Variants in ST8SIA1 observed in about 807,000 individuals in gnomAD.
ST8SIA1 encodes alpha-N-acetylneuraminide alpha-2,8-sialyltransferase.
ST8SIA1 carries 16 observed loss-of-function variants against 35.9 expected under a neutral mutation model. The ratio of observed to expected loss-of-function variants is 0.45; its 90% CI spans 0.30 to 0.68. ST8SIA1 has a LOEUF of 0.68. Among genes scored for constraint, ST8SIA1 ranks in the 30% least tolerant of loss-of-function variants. The pLI, the probability that ST8SIA1 is intolerant of heterozygous loss-of-function variation, is 0.09. For missense variants in ST8SIA1, 383 were observed against 453.6 expected, an observed-to-expected ratio of 0.84 and a Z score of 1.41; for synonymous variants, 170 against 169.6, an observed-to-expected ratio of 1.00 and a Z score of -0.02.
At chr12:22,273,784 T>C (rs1481255541) in intron 2 of ST8SIA1, among the ~76,000 whole-genome samples, 1 of 152,204 alleles carries the variant, frequency 6.6e-6, no homozygotes, top group Non-Finnish European at 1.5e-5. Flanking sequence ...CTAAAATTTA[T>C]TGAATCTCTA....
At chr12:22,247,700 T>C (rs1865621946) in intron 4 of ST8SIA1, among the ~76,000 whole-genome samples, 1 of 152,054 alleles carries the variant, frequency 6.6e-6, no homozygotes, top group South Asian at 2.1e-4. Flanking sequence ...AGATTGTTTT[T>C]ATAAAAGAAG....
At position 22,334,038 on chromosome 12, in the gene ST8SIA1, G is replaced by A. The variant is rs1316896657; in HGVS notation, c.195C>T (p.Gly65=). 1.2e-6 allele frequency: 2 copies of A among 1,614,086 alleles called. No individual in the cohort carries two copies. Among genetic ancestry groups the A allele is most frequent in the South Asian group, 1.1e-5 (1 of 91,076 alleles). ...CGGTCTGGTTCCTCCTCCACGCCGTGCCCTGTTGCAGCACCCCCTGCACGA... is the reference window on the plus strand; with the variant it reads ...CGGTCTGGTTCCTCCTCCACGCCGTACCCTGTTGCAGCACCCCCTGCACGA... The part of the protein sequence containing the change: ...KEIVQGVLQQ[G]TAWRRNQTAA... The change falls in exon 1 of 5, where the codon GGC becomes GGT. Residue 65 remains glycine (G), a synonymous_variant. Transcript: ENST00000396037.
At chr12:22,265,793 T>C (rs953839135) in intron 2 of ST8SIA1, among the ~76,000 whole-genome samples, 4 of 152,178 alleles carry the variant, frequency 2.6e-5, no homozygotes, top group Non-Finnish European at 4.4e-5. Context: ...AATGGTTTAA[T>C]GCTGTAAATT....
intron 1 of ST8SIA1, among the ~76,000 whole-genome samples, chr12:22,328,129 A>G (rs1321195233): frequency 6.6e-6 from 1 of 152,194 alleles, no homozygotes; most frequent in East Asian, 1.9e-4. Context: ...TGCAGCCTAA[A>G]ATGTCAGGAG....
chr12:22,325,409 G>A (rs887432805), intron 1 of ST8SIA1: 2 of 701,192 alleles, frequency 2.9e-6, no homozygotes, highest in Non-Finnish European at 5.2e-6. Context: ...CCTAATTAGA[G>A]CGACACAGCT....
intron 4 of ST8SIA1, among the ~76,000 whole-genome samples, chr12:22,235,945 A>G (rs1341521627): frequency 1.3e-5 from 2 of 152,134 alleles, no homozygotes; most frequent in Non-Finnish European, 2.9e-5. Flanking sequence ...TGTCACATAC[A>G]AAACTGACAA....
At chr12:22,319,857 C>T (rs561364005) in intron 1 of ST8SIA1, among the ~76,000 whole-genome samples, 257 of 152,196 alleles carry the variant, frequency 1.7e-3, no homozygotes, top group Middle Eastern at 6.8e-3. Flanking sequence ...GATCTGACCA[C>T]GAGCTTCCTA....
At chr12:22,328,413 T>C (rs544811460) in intron 1 of ST8SIA1, among the ~76,000 whole-genome samples, 3 of 152,288 alleles carry the variant, frequency 2.0e-5, no homozygotes, top group African/African-American at 7.2e-5. Context: ...AACTTAAAAT[T>C]TAGCAGGGAA....
chr12:22,291,508 C>A (rs769770974), intron 1 of ST8SIA1, among the ~76,000 whole-genome samples: 6 of 152,166 alleles, frequency 3.9e-5, no homozygotes, highest in Non-Finnish European at 5.9e-5. Context: ...TACAAACATC[C>A]AAATCAATGC....
chr12:22,293,705 C>A (rs919678163), intron 1 of ST8SIA1, among the ~76,000 whole-genome samples: 10 of 152,318 alleles, frequency 6.6e-5, no homozygotes, highest in African/African-American at 1.9e-4. Flanking sequence ...AGAGACAATA[C>A]AACTTTGTTT....
chr12:22,243,825 A>C (rs938809917), intron 4 of ST8SIA1, among the ~76,000 whole-genome samples: 1 of 152,140 alleles, frequency 6.6e-6, no homozygotes, highest in African/African-American at 2.4e-5. Context: ...TGAGGTCAGG[A>C]GTTCAAGACC....
chr12:22,326,735 C>T (rs1430120932), intron 1 of ST8SIA1, among the ~76,000 whole-genome samples: 1 of 152,086 alleles, frequency 6.6e-6, no homozygotes, highest in Non-Finnish European at 1.5e-5. Flanking sequence ...AGTAGATTAG[C>T]ACATTATACT....
intron 4 of ST8SIA1, among the ~76,000 whole-genome samples, chr12:22,209,035 C>G (rs1047574595): frequency 6.6e-6 from 1 of 151,954 alleles, no homozygotes; most frequent in South Asian, 2.1e-4. Flanking sequence ...TCTTTAAGAC[C>G]TTTAGGACAC....
chr12:22,312,875 G>A (rs2135834013), intron 1 of ST8SIA1, among the ~76,000 whole-genome samples: 1 of 152,184 alleles, frequency 6.6e-6, no homozygotes, highest in East Asian at 1.9e-4. Context: ...AGAACTTTTA[G>A]TTAGCTTAGC....
At chr12:22,301,286 A>T (rs1866315743) in intron 1 of ST8SIA1, among the ~76,000 whole-genome samples, 1 of 123,510 alleles carries the variant, frequency 8.1e-6, no homozygotes, top group South Asian at 2.4e-4. Flanking sequence ...TTCAGGACCC[A>T]TGGAGAGCTG....
chr12:22,313,624 G>A (rs1382303436), intron 1 of ST8SIA1, among the ~76,000 whole-genome samples: 1 of 152,112 alleles, frequency 6.6e-6, no homozygotes, highest in East Asian at 1.9e-4. Context: ...CAACAAAAAA[G>A]AATCACTGGA....
intron 4 of ST8SIA1, among the ~76,000 whole-genome samples, chr12:22,240,296 G>A (rs1191806969): frequency 2.6e-5 from 4 of 152,072 alleles, no homozygotes; most frequent in African/African-American, 9.7e-5. Flanking sequence ...AAACAAATCC[G>A]TTCTAATCAA....
intron 2 of ST8SIA1, chr12:22,286,666 T>A: frequency 2.3e-6 from 1 of 431,016 alleles, no homozygotes; most frequent in South Asian, 1.8e-5. Context: ...GTGGTCAAGT[T>A]GAATTATTCC....
chr12:22,260,471 A>G (rs1479750090), intron 2 of ST8SIA1, among the ~76,000 whole-genome samples: 2 of 152,092 alleles, frequency 1.3e-5, no homozygotes, highest in Non-Finnish European at 2.9e-5. Flanking sequence ...CAGATTTTCT[A>G]TTCTTGCTCA....
Sources: allele counts gnomAD v4.1 joint callset (sites outside exome capture counted in the v4.1 genomes callset), GRCh38; gene constraint gnomAD v4.1.1; transcripts MANE v1.5; gene names NCBI Gene and HGNC (gene_info 2026-07-23, HGNC 2026-07-21).